The following XRCC4 variants were observed in gnomAD, a reference collection of about 807,000 sequenced individuals.
XRCC4 encodes the protein DNA repair protein XRCC4.
A neutral mutation model predicts 39.1 loss-of-function variants in XRCC4; 28 were observed. The observed-to-expected ratio is 0.72, with a 90% CI of 0.53 to 0.98. The LOEUF (loss-of-function observed/expected upper bound fraction) is 0.98, where lower values mean the gene tolerates loss of function less well. Ranked by LOEUF, XRCC4 falls within the 50% of genes least tolerant of loss-of-function variation. The pLI is 0.00. For missense variants in XRCC4, 350 were observed against 376.4 expected (o/e 0.93, Z 0.58); for synonymous variants, 123 against 126.4 (o/e 0.97, Z 0.18).
intron 4 of XRCC4, 127 bp from the exon 5 acceptor site, chr5:83,203,425 A>G: frequency 2.7e-6 from 2 of 729,716 alleles, no homozygotes; most frequent in Non-Finnish European, 2.0e-6. Flanking sequence ...CTTCCAAGTC[A>G]GTGAAAGCAT....
chr5:83,298,536 T>C (rs1396463285), intron 7 of XRCC4, among the ~76,000 whole-genome samples: 3 of 152,004 alleles, frequency 2.0e-5, no homozygotes, highest in Non-Finnish European at 4.4e-5. Flanking sequence ...TATAGCCACA[T>C]GAGCATTCTT....
chr5:83,144,068 C>A (rs142832316), intron 3 of XRCC4, among the ~76,000 whole-genome samples: 19 of 152,172 alleles, frequency 1.2e-4, no homozygotes, highest in Non-Finnish European at 2.2e-4. Context: ...GCCTTCCCCC[C>A]TTCTGAGTCT....
intron 7 of XRCC4, among the ~76,000 whole-genome samples, chr5:83,346,814 C>T (rs1372319711): frequency 6.6e-6 from 1 of 151,962 alleles, no homozygotes; most frequent in Non-Finnish European, 1.5e-5. Context: ...AAAGTAAGTC[C>T]TTGTGGAAGG....
chr5:83,211,465 C>G (rs1228627666), intron 6 of XRCC4, among the ~76,000 whole-genome samples: 2 of 152,156 alleles, frequency 1.3e-5, no homozygotes, highest in African/African-American at 2.4e-5. Context: ...TAAACATATT[C>G]CTAGCTGAAA....
intron 7 of XRCC4, among the ~76,000 whole-genome samples, chr5:83,336,220 G>A (rs1756590385): frequency 1.3e-5 from 2 of 152,094 alleles, no homozygotes; most frequent in Admixed American, 1.3e-4. Flanking sequence ...TGGAAGTTAT[G>A]TATATTTTAA....
intron 7 of XRCC4, among the ~76,000 whole-genome samples, chr5:83,283,058 A>G (rs1258969668): frequency 6.6e-6 from 1 of 151,948 alleles, no homozygotes; most frequent in East Asian, 1.9e-4. Flanking sequence ...ACCAAAAAAA[A>G]AAAAAAAAGG....
chr5:83,173,953 C>T (rs1336635120), intron 3 of XRCC4, among the ~76,000 whole-genome samples: 1 of 152,074 alleles, frequency 6.6e-6, no homozygotes, highest in East Asian at 1.9e-4. Context: ...GTGTGTTTAT[C>T]CAATTTAGCA....
Position 83,330,332 on chromosome 5 carries a change from CAAAAT to C in XRCC4, c.894-22790_894-22786del, listed in dbSNP as rs1387131476. 4.6e-5 allele frequency among the ~76,000 whole-genome samples: 7 copies of C among 151,516 alleles called. No homozygotes were observed. The East Asian group carries it at 1.4e-3, about 29-fold the overall frequency. The stretch of plus-strand genomic sequence containing the variant: ...AACATTCATAGCAGCATTATTTTTG[CAAAAT>C]AAAATAAACTATATAATTATACAAG... On this transcript the variant is annotated intron_variant, in intron 7 of 7. Coordinates refer to ENST00000396027, the MANE Select transcript of XRCC4 (RefSeq NM_003401.5).
intron 7 of XRCC4, among the ~76,000 whole-genome samples, chr5:83,297,459 C>T (rs1195065627): frequency 1.3e-5 from 2 of 151,810 alleles, no homozygotes; most frequent in African/African-American, 2.4e-5. Context: ...TGAATTTCTT[C>T]AAAACGCAAT....
rs185274489 is a variant in XRCC4 at position 83,248,809 on chromosome 5, A to G, written c.746-9721A>G. Among the ~76,000 whole-genome samples, 567 of 152,352 alleles carry G rather than the reference A, an allele frequency of 3.7e-3. 1 individual carries two copies. The highest frequency in any genetic ancestry group is 7.1e-3 in the Non-Finnish European group (480 of 68,026). ...TTGAGTATAAATAACCAAAGGATAT[A>G]CAAATTAGTCATTTAAAAAATAAAA... On this transcript the variant is annotated intron_variant, in intron 6 of 7. Coordinates refer to ENST00000396027, the MANE Select transcript of XRCC4 (RefSeq NM_003401.5).
chr5:83,338,567 G>A (rs1424558593), intron 7 of XRCC4, among the ~76,000 whole-genome samples: 1 of 152,076 alleles, frequency 6.6e-6, no homozygotes, highest in Non-Finnish European at 1.5e-5. Context: ...TATGAAGTTT[G>A]GAGAATTATT....
chr5:83,151,063 A>G (rs2112552568), intron 3 of XRCC4, among the ~76,000 whole-genome samples: 1 of 152,276 alleles, frequency 6.6e-6, no homozygotes, highest in African/African-American at 2.4e-5. Flanking sequence ...GCATTTTAAA[A>G]TAGCAAGGCT....
At chr5:83,258,867 C>A in intron 7 of XRCC4, 190 bp downstream of exon 7, 1 of 765,874 alleles carries the variant, frequency 1.3e-6, no homozygotes, top group Non-Finnish European at 1.9e-6. Context: ...ATATTTAAAG[C>A]TGAAATGCTG....
Position 83,353,363 on chromosome 5 carries a change from C to T in XRCC4, c.*121C>T, listed in dbSNP as rs777939227. ...CCGTATCTTACAATTTAATTACATA[C>T]ACAGTGAATTGAAACCATTGTGCAA... On this transcript the variant is annotated 3_prime_UTR_variant, in exon 8 of 8. Transcript: ENST00000396027. 1.1e-4 allele frequency: 81 copies of T among 755,372 alleles called. No homozygotes were observed. Among genetic ancestry groups the T allele is most frequent in the Non-Finnish European group, 1.5e-4 (71 of 473,226 alleles). The allele number at this position is 755,372 out of a possible 1,614,324, so 46.8% of individuals were successfully genotyped here.
intron 6 of XRCC4, among the ~76,000 whole-genome samples, chr5:83,219,905 A>G (rs574538979): frequency 8.5e-5 from 13 of 152,252 alleles, no homozygotes; most frequent in African/African-American, 2.9e-4. Flanking sequence ...TATGAAATAT[A>G]TATATTCAAC....
At chr5:83,264,378 A>C (rs1753879971) in intron 7 of XRCC4, among the ~76,000 whole-genome samples, 1 of 152,140 alleles carries the variant, frequency 6.6e-6, no homozygotes, top group Non-Finnish European at 1.5e-5. Context: ...GGAGTTTTGA[A>C]GAAAGTTATT....
At chr5:83,106,886 A>G (rs1746225646) in intron 2 of XRCC4, among the ~76,000 whole-genome samples, 1 of 152,044 alleles carries the variant, frequency 6.6e-6, no homozygotes, top group Non-Finnish European at 1.5e-5. Context: ...CGAAAAAAGA[A>G]AATAAATTGT....
intron 3 of XRCC4, among the ~76,000 whole-genome samples, chr5:83,179,153 A>G (rs1750092873): frequency 6.6e-6 from 1 of 152,212 alleles, no homozygotes; most frequent in Admixed American, 6.5e-5. Context: ...TGTCATGAAG[A>G]GAAGAAGCAT....
chr5:83,283,219 C>T (rs981127723), intron 7 of XRCC4, among the ~76,000 whole-genome samples: 4 of 152,102 alleles, frequency 2.6e-5, no homozygotes, highest in African/African-American at 9.7e-5. Flanking sequence ...TTATAAAGAA[C>T]GTTGAAGATA....
Sources: gnomAD v4.1 joint callset for allele counts (sites outside exome capture counted in the v4.1 genomes callset) on GRCh38, gnomAD v4.1.1 for gene constraint, MANE v1.5 for transcripts, NCBI Gene and HGNC (gene_info 2026-07-23, HGNC 2026-07-21) for gene names.